The following ZBTB7C variants were observed in gnomAD, a reference collection of about 807,000 sequenced individuals.
The protein encoded by ZBTB7C is zinc finger and BTB domain containing 7C.
A neutral mutation model predicts 25.7 loss-of-function variants in ZBTB7C; 8 were observed. The observed-to-expected ratio is 0.31, with a 90% CI of 0.18 to 0.56. The LOEUF is 0.56. ZBTB7C is among the 20% of genes least tolerant of loss of function. ZBTB7C has a pLI of 0.91. For synonymous variants in ZBTB7C, 394 were observed against 369.0 expected, an observed-to-expected ratio of 1.07 and a Z score of -0.78; for missense variants, 824 against 855.2, an observed-to-expected ratio of 0.96 and a Z score of 0.46.
At chr18:48,063,287 A>C (rs1047326434) in intron 3 of ZBTB7C, among the ~76,000 whole-genome samples, 1 of 152,226 alleles carries the variant, frequency 6.6e-6, no homozygotes, top group African/African-American at 2.4e-5. Context: ...TCCACTAGAC[A>C]AACAGCGCAG....
chr18:48,052,365 G>C (rs891285930), intron 3 of ZBTB7C, among the ~76,000 whole-genome samples: 1 of 152,212 alleles, frequency 6.6e-6, no homozygotes, highest in Non-Finnish European at 1.5e-5. Context: ...GGATAACTGG[G>C]CTAAGTGGTA....
intron 2 of ZBTB7C, among the ~76,000 whole-genome samples, chr18:48,287,266 C>T (rs1390227024): frequency 6.6e-6 from 1 of 152,048 alleles, no homozygotes; most frequent in Non-Finnish European, 1.5e-5. Context: ...AACTTCATGC[C>T]AAAATATTTT....
intron 2 of ZBTB7C, among the ~76,000 whole-genome samples, chr18:48,317,640 A>T (rs1176685455): frequency 6.6e-6 from 1 of 152,176 alleles, no homozygotes; most frequent in Non-Finnish European, 1.5e-5. Context: ...AGCTTTACAC[A>T]TGGCATCTCA....
At position 48,326,313 on chromosome 18, in the gene ZBTB7C, C is replaced by A. The variant is rs1449613347; in HGVS notation, c.-79+11861G>T. ...GTTTCACCATGTTGGCCAGGCTGGTCTCGAACCCCTGACCTCAAGTGATCT... is the reference window on the plus strand; with the variant it reads ...GTTTCACCATGTTGGCCAGGCTGGTATCGAACCCCTGACCTCAAGTGATCT... On this transcript the variant is annotated intron_variant, in intron 2 of 4. Transcript: ENST00000590800. 2.6e-5 allele frequency among the ~76,000 whole-genome samples: 4 copies of A among 152,084 alleles called. No individual in the cohort carries two copies. In the East Asian group the frequency reaches 7.7e-4, roughly 29 times the overall value.
intron 2 of ZBTB7C, among the ~76,000 whole-genome samples, chr18:48,283,505 C>T (rs2144648072): frequency 6.6e-6 from 1 of 152,312 alleles, no homozygotes; most frequent in East Asian, 1.9e-4. Context: ...GTACTAAAAT[C>T]TTCCATTGCC....
intron 1 of ZBTB7C, among the ~76,000 whole-genome samples, chr18:48,367,202 T>TACACACAC (rs1180190109): frequency 1.1e-4 from 7 of 63,386 alleles, no homozygotes; most frequent in African/African-American, 2.5e-4. Flanking sequence ...TATATATATA[T>TACACACAC]ACACACACAC....
At chr18:48,205,341 A>C (rs2042553076) in intron 2 of ZBTB7C, among the ~76,000 whole-genome samples, 1 of 152,078 alleles carries the variant, frequency 6.6e-6, no homozygotes, top group Non-Finnish European at 1.5e-5. Context: ...TAGCATTAAC[A>C]AATTAAATAC....
chr18:48,389,424 G>T (rs532490890), intron 1 of ZBTB7C, among the ~76,000 whole-genome samples: 1 of 144,416 alleles, frequency 6.9e-6, no homozygotes, highest in Non-Finnish European at 1.5e-5. Flanking sequence ...CCTAATGTGT[G>T]ACCCAGAGTC....
chr18:48,128,309 T>C (rs1167748346), intron 3 of ZBTB7C, among the ~76,000 whole-genome samples: 1 of 152,198 alleles, frequency 6.6e-6, no homozygotes, highest in African/African-American at 2.4e-5. Context: ...ACGATTAAAG[T>C]GGTCTAGGAA....
chr18:48,256,477 C>CAAA (rs35449001), intron 2 of ZBTB7C, among the ~76,000 whole-genome samples: 19,896 of 131,136 alleles, frequency 0.15, 1,722 homozygotes, highest in Admixed American at 0.22. Flanking sequence ...TACAAAAGCT[C>CAAA]AAAAAAAAAA....
chr18:48,193,088 C>T (rs908611530), intron 2 of ZBTB7C, among the ~76,000 whole-genome samples: 11 of 152,204 alleles, frequency 7.2e-5, no homozygotes, highest in African/African-American at 2.4e-4. Context: ...GAGACCTGCA[C>T]GATCCTCCCA....
chr18:48,302,650 A>G (rs2045572917), intron 2 of ZBTB7C, among the ~76,000 whole-genome samples: 1 of 152,212 alleles, frequency 6.6e-6, no homozygotes, highest in Non-Finnish European at 1.5e-5. Context: ...ACCAGCACAG[A>G]TTGGCTGGAG....
chr18:48,037,281 G>A (rs2036014083), intron 4 of ZBTB7C, among the ~76,000 whole-genome samples: 1 of 152,248 alleles, frequency 6.6e-6, no homozygotes, highest in Admixed American at 6.5e-5. Context: ...TGGAGCAGGA[G>A]GAACCCAAGG....
intron 4 of ZBTB7C, among the ~76,000 whole-genome samples, chr18:48,037,224 C>T (rs976047369): frequency 3.9e-5 from 6 of 152,260 alleles, no homozygotes; most frequent in Non-Finnish European, 8.8e-5. Flanking sequence ...GGCTGCAATG[C>T]AGCAGCTTCA....
chr18:48,240,703 T>A (rs2043499957), intron 2 of ZBTB7C, among the ~76,000 whole-genome samples: 1 of 152,144 alleles, frequency 6.6e-6, no homozygotes, highest in Non-Finnish European at 1.5e-5. Context: ...GAGTTCTAAA[T>A]CTTGAAACAA....
chr18:48,215,428 A>T (rs2042800209), intron 2 of ZBTB7C, among the ~76,000 whole-genome samples: 1 of 152,264 alleles, frequency 6.6e-6, no homozygotes, highest in Non-Finnish European at 1.5e-5. Context: ...TTAGCGAGTC[A>T]TAAGACATCA....
intron 3 of ZBTB7C, among the ~76,000 whole-genome samples, chr18:48,079,298 T>A (rs376309305): frequency 5.1e-4 from 77 of 152,336 alleles, no homozygotes; most frequent in African/African-American, 1.8e-3. Flanking sequence ...ATGGGGTCCA[T>A]GGTGCCCAGC....
intron 2 of ZBTB7C, among the ~76,000 whole-genome samples, chr18:48,187,820 C>CAAAAAA (rs919402026): frequency 7.2e-4 from 53 of 73,278 alleles, no homozygotes; most frequent in Non-Finnish European, 9.1e-4. Context: ...GACCCCGTCT[C>CAAAAAA]AAAAAAAAAA....
intron 2 of ZBTB7C, among the ~76,000 whole-genome samples, chr18:48,229,779 C>T (rs566039633): frequency 2.8e-4 from 43 of 152,284 alleles, no homozygotes; most frequent in African/African-American, 9.6e-4. Flanking sequence ...GTTGGACAGC[C>T]TTCCTGACTG....
Sources: gnomAD v4.1 joint callset for allele counts (sites outside exome capture counted in the v4.1 genomes callset) on GRCh38, gnomAD v4.1.1 for gene constraint, MANE v1.5 for transcripts, NCBI Gene and HGNC (gene_info 2026-07-23, HGNC 2026-07-21) for gene names.